TAFA1: variants seen among roughly 807,000 people sequenced by gnomAD.
The protein encoded by TAFA1 is TAFA chemokine like family member 1, also known as chemokine-like protein TAFA-1.
TAFA1 carries 4 observed loss-of-function variants against 18.5 expected under a neutral mutation model. The ratio of observed to expected loss-of-function variants is 0.22; its 90% CI spans 0.11 to 0.49. The LOEUF is 0.49. TAFA1 is among the 20% of genes least tolerant of loss of function. The pLI is 0.98. For synonymous variants in TAFA1, 56 were observed against 55.2 expected (o/e 1.01, Z -0.06); for missense variants, 147 against 169.0 (o/e 0.87, Z 0.72).
chr3:68,389,801 C>T (rs1019974693), intron 2 of TAFA1, among the ~76,000 whole-genome samples: 2 of 152,150 alleles, frequency 1.3e-5, no homozygotes, highest in Admixed American at 1.3e-4. Context: ...CAATGAGGGA[C>T]TGTGCTGTGC....
intron 2 of TAFA1, among the ~76,000 whole-genome samples, chr3:68,092,502 T>C (rs1444759966): frequency 6.6e-6 from 1 of 152,088 alleles, no homozygotes; most frequent in Non-Finnish European, 1.5e-5. Context: ...GATACCAGTG[T>C]GGGGAGAGAT....
At chr3:68,044,178 C>T (rs904702110) in intron 2 of TAFA1, among the ~76,000 whole-genome samples, 24 of 152,170 alleles carry the variant, frequency 1.6e-4, no homozygotes, top group Non-Finnish European at 2.6e-4. Flanking sequence ...AACTTCTCTC[C>T]TAGTTCAGAC....
Position 68,214,881 on chromosome 3 carries a change from C to A in TAFA1, c.119-202399C>A, listed in dbSNP as rs753954223. ...TTTTTAAGTGGGAAGAAAAGAGAGA[C>A]CCCACTGAGTGAGTGGGGAGTTCCC... On this transcript the variant is annotated intron_variant, in intron 2 of 4. Transcript: ENST00000478136. Among the ~76,000 whole-genome samples, 4 of 151,860 alleles carry A rather than the reference C, an allele frequency of 2.6e-5. No homozygotes were observed. In the South Asian group the frequency reaches 6.2e-4, roughly 24 times the overall value.
chr3:68,103,700 CCAT>C (rs1346703045), intron 2 of TAFA1, among the ~76,000 whole-genome samples: 6 of 152,108 alleles, frequency 3.9e-5, no homozygotes, highest in Admixed American at 3.9e-4. Flanking sequence ...ACCACCACCA[CCAT>C]CATCATCATC....
intron 2 of TAFA1, among the ~76,000 whole-genome samples, chr3:68,324,841 C>T (rs916896913): frequency 1.3e-5 from 2 of 152,082 alleles, no homozygotes; most frequent in Non-Finnish European, 2.9e-5. Context: ...AAAGAAATAA[C>T]GGTCACTTTT....
rs573001695 is a variant in TAFA1, at chr3:68,209,118, T to G, written c.118+202374T>G. ...GCCATACAACTGCAAGGAAATGAATTCTGCCAGCAACCTGAGGGGTTCAGA... is the reference window on the plus strand; with the variant it reads ...GCCATACAACTGCAAGGAAATGAATGCTGCCAGCAACCTGAGGGGTTCAGA... On this transcript the variant is annotated intron_variant, in intron 2 of 4. Coordinates refer to ENST00000478136, the MANE Select transcript of TAFA1 (RefSeq NM_213609.4). 9.2e-5 allele frequency among the ~76,000 whole-genome samples: 14 copies of G among 152,040 alleles called. No individual in the cohort carries two copies. The South Asian group carries it at 2.7e-3, about 29-fold the overall frequency.
At chr3:68,062,154 T>C (rs1262695577) in intron 2 of TAFA1, among the ~76,000 whole-genome samples, 3 of 151,952 alleles carry the variant, frequency 2.0e-5, no homozygotes, top group Admixed American at 2.0e-4. Context: ...TTGTGTAGAC[T>C]AAGTAGTCTC....
rs1349378690 is a variant in TAFA1 at position 68,390,391 on chromosome 3, A to T, written c.119-26889A>T. Among the ~76,000 whole-genome samples, 10 of 152,198 alleles carry T rather than the reference A, an allele frequency of 6.6e-5. No individual in the cohort carries two copies. The East Asian group carries it at 1.9e-3, about 29-fold the overall frequency. On this transcript the variant is annotated intron_variant, in intron 2 of 4. Coordinates refer to ENST00000478136, the MANE Select transcript of TAFA1 (RefSeq NM_213609.4). The stretch of plus-strand genomic sequence containing the variant: ...TATATAAAACTCCCATCTCCCTGGG[A>T]CAGAGCACCTATGGGAAGGGGCAGC...
intron 2 of TAFA1, among the ~76,000 whole-genome samples, chr3:68,027,562 T>G (rs1704843161): frequency 6.6e-6 from 1 of 152,204 alleles, no homozygotes; most frequent in South Asian, 2.1e-4. Flanking sequence ...TGTATCAGCC[T>G]GCCAACTTGG....
intron 3 of TAFA1, among the ~76,000 whole-genome samples, chr3:68,526,078 T>A (rs2073107760): frequency 6.6e-6 from 1 of 152,154 alleles, no homozygotes; most frequent in South Asian, 2.1e-4. Context: ...GAGTTCAGAG[T>A]TAAGAGACAC....
At chr3:68,462,075 T>C (rs1017232306) in intron 3 of TAFA1, among the ~76,000 whole-genome samples, 2 of 152,166 alleles carry the variant, frequency 1.3e-5, no homozygotes, top group Admixed American at 6.6e-5. Context: ...CTCAGTACAA[T>C]GGCAGATAAA....
intron 2 of TAFA1, among the ~76,000 whole-genome samples, chr3:68,375,726 G>T (rs1333880431): frequency 6.6e-6 from 1 of 152,034 alleles, no homozygotes; most frequent in Non-Finnish European, 1.5e-5. Flanking sequence ...CTGTGTATCA[G>T]GCTCAGTGCT....
At chr3:68,489,657 G>C (rs1294538989) in intron 3 of TAFA1, among the ~76,000 whole-genome samples, 1 of 152,116 alleles carries the variant, frequency 6.6e-6, no homozygotes, top group Non-Finnish European at 1.5e-5. Context: ...TGCTACAAAA[G>C]CGATGATAAG....
intron 2 of TAFA1, 111 bp from the exon 3 acceptor site, chr3:68,417,169 T>A: frequency 1.3e-6 from 1 of 785,258 alleles, no homozygotes; most frequent in East Asian, 2.7e-5. Flanking sequence ...TCATGGAAAC[T>A]GTTTCTATAA....
chr3:68,195,295 A>G (rs757325718), intron 2 of TAFA1, among the ~76,000 whole-genome samples: 3 of 149,558 alleles, frequency 2.0e-5, no homozygotes, highest in Non-Finnish European at 3.0e-5. Context: ...AAAATACAAC[A>G]TAAGGCTTCT....
intron 2 of TAFA1, among the ~76,000 whole-genome samples, chr3:68,117,017 C>G (rs796777349): frequency 6.6e-6 from 1 of 152,106 alleles, no homozygotes; most frequent in Non-Finnish European, 1.5e-5. Flanking sequence ...AAATGGCTAG[C>G]GTAGAGTGGG....
intron 2 of TAFA1, among the ~76,000 whole-genome samples, chr3:68,388,854 A>G (rs1384528996): frequency 6.6e-6 from 1 of 152,156 alleles, no homozygotes; most frequent in Admixed American, 6.6e-5. Context: ...TTTCTATCAT[A>G]ATAGAATAGA....
intron 2 of TAFA1, among the ~76,000 whole-genome samples, chr3:68,389,710 G>A (rs2070184180): frequency 6.6e-6 from 1 of 152,032 alleles, no homozygotes; most frequent in Non-Finnish European, 1.5e-5. Context: ...ACCCACAGAG[G>A]GTGAGCAGAA....
chr3:68,379,771 T>G (rs148343627), intron 2 of TAFA1, among the ~76,000 whole-genome samples: 2,193 of 151,916 alleles, frequency 0.014, 55 homozygotes, highest in South Asian at 0.048. Flanking sequence ...TTTTTAAATT[T>G]TATTATTATT....
Sources: allele counts gnomAD v4.1 joint callset (sites outside exome capture counted in the v4.1 genomes callset), GRCh38; gene constraint gnomAD v4.1.1; transcripts MANE v1.5; gene names NCBI Gene and HGNC (gene_info 2026-07-23, HGNC 2026-07-21).